The following HESX1 variants were observed in gnomAD, a reference collection of about 807,000 sequenced individuals.
The protein encoded by HESX1 is homeobox expressed in ES cells 1.
HESX1 carries 11 observed loss-of-function variants against 22.5 expected under a neutral mutation model. The ratio of observed to expected loss-of-function variants is 0.49; its 90% confidence interval spans 0.31 to 0.81. The LOEUF is 0.81. Among genes scored for constraint, HESX1 ranks in the 30% least tolerant of loss-of-function variants. The pLI is 0.05. For missense variants in HESX1, 201 were observed against 212.6 expected (o/e 0.95, Z 0.34); for synonymous variants, 74 against 76.5 (o/e 0.97, Z 0.17).
intron 1 of HESX1, among the ~76,000 whole-genome samples, chr3:57,213,915 C>T (rs924290852): frequency 6.6e-6 from 1 of 152,074 alleles, no homozygotes; most frequent in Non-Finnish European, 1.5e-5. Flanking sequence ...AGTAAGACTC[C>T]GTCTCAAATA....
In HESX1 at chr3:57,198,113, A is replaced by G; in HGVS notation, c.*84T>C. On this transcript the variant is annotated 3_prime_UTR_variant, in exon 4 of 4. Transcript: ENST00000295934. ...TATTCAGATTAAATGCAGGAAAGAA[A>G]ACATCACATTTTAACACTTAATATT... is the stretch of plus-strand genomic sequence containing the variant. 1.1e-6 allele frequency: 1 copy of G among 879,118 alleles called. No homozygotes were observed. Among genetic ancestry groups the G allele is most frequent in the Non-Finnish European group, 1.9e-6 (1 of 531,330 alleles). 54.5% of individuals were successfully genotyped at this position (879,118 alleles called of 1,614,324 possible).
chr3:57,207,053 T>A (rs2107573851), intron 1 of HESX1, among the ~76,000 whole-genome samples: 2 of 152,268 alleles, frequency 1.3e-5, no homozygotes, highest in Middle Eastern at 6.8e-3. Flanking sequence ...GTTCAAGCAA[T>A]TCTCTTGCCT....
At chr3:57,205,611 T>G (rs555310133) in intron 1 of HESX1, among the ~76,000 whole-genome samples, 2 of 152,310 alleles carry the variant, frequency 1.3e-5, no homozygotes, top group Admixed American at 1.3e-4. Flanking sequence ...TTACACTGGC[T>G]GTTGTCACCA....
intron 1 of HESX1, among the ~76,000 whole-genome samples, chr3:57,222,733 C>A (rs144280464): frequency 1.3e-5 from 2 of 152,162 alleles, no homozygotes; most frequent in African/African-American, 4.8e-5. Flanking sequence ...TGGCAATAAT[C>A]TTGGCTATTT....
At chr3:57,217,746 C>T (rs1167514202) in intron 1 of HESX1, among the ~76,000 whole-genome samples, 2 of 152,168 alleles carry the variant, frequency 1.3e-5, no homozygotes, top group African/African-American at 2.4e-5. Flanking sequence ...TCCCACCCCA[C>T]ACAAAAGCCC....
At chr3:57,200,315 C>A (rs1338956279), upstream of HESX1, among the ~76,000 whole-genome samples, 1 of 152,144 alleles carries the variant, frequency 6.6e-6, no homozygotes, top group Admixed American at 6.5e-5. Context: ...GAAGTTTATA[C>A]TTTCATGGGC....
At chr3:57,213,344 T>C (rs1484357798) in intron 1 of HESX1, among the ~76,000 whole-genome samples, 1 of 152,216 alleles carries the variant, frequency 6.6e-6, no homozygotes, top group African/African-American at 2.4e-5. Context: ...AAGAAATCTT[T>C]ACCAGTGAAC....
At chr3:57,225,527 A>G (rs529640991) in intron 1 of HESX1, among the ~76,000 whole-genome samples, 2 of 152,052 alleles carry the variant, frequency 1.3e-5, no homozygotes, top group Non-Finnish European at 2.9e-5. Context: ...TATTTTTGGT[A>G]GAGACGGGGT....
chr3:57,201,885 AT>A (rs2060490164), upstream of HESX1, among the ~76,000 whole-genome samples: 3 of 145,278 alleles, frequency 2.1e-5, no homozygotes, highest in African/African-American at 8.1e-5. Context: ...ATATCTATCT[AT>A]CTATCTATCT....
intron 1 of HESX1, among the ~76,000 whole-genome samples, chr3:57,225,710 C>G (rs1016484389): frequency 2.0e-5 from 3 of 152,094 alleles, no homozygotes; most frequent in Non-Finnish European, 1.5e-5. Context: ...GTAATGGCCT[C>G]TTGAGAGTCC....
chr3:57,222,948 AT>A (rs1579369159), intron 1 of HESX1, among the ~76,000 whole-genome samples: 1 of 152,224 alleles, frequency 6.6e-6, no homozygotes, highest in East Asian at 1.9e-4. Context: ...TTTTAAAAAA[AT>A]ATGATAGAGA....
chr3:57,212,635 A>C (rs994391023), intron 1 of HESX1, among the ~76,000 whole-genome samples: 2 of 151,938 alleles, frequency 1.3e-5, no homozygotes, highest in Admixed American at 6.6e-5. Context: ...AAAAAGATTC[A>C]TTCTATACAA....
At chr3:57,202,019 C>G (rs950695296), upstream of HESX1, among the ~76,000 whole-genome samples, 3 of 150,544 alleles carry the variant, frequency 2.0e-5, no homozygotes, top group Non-Finnish European at 4.4e-5. Flanking sequence ...CCCGGGTTCA[C>G]GCCATTCTCC....
chr3:57,203,951 G>C (rs1452089786), upstream of HESX1, among the ~76,000 whole-genome samples: 2 of 152,124 alleles, frequency 1.3e-5, no homozygotes, highest in Admixed American at 6.5e-5. Flanking sequence ...AATTACAGGT[G>C]CCCAGCCCCC....
At chr3:57,200,836 G>C (rs910378698), upstream of HESX1, among the ~76,000 whole-genome samples, 1 of 152,104 alleles carries the variant, frequency 6.6e-6, no homozygotes, top group African/African-American at 2.4e-5. Flanking sequence ...TTGAGGGATG[G>C]GCAGAGGATG....
At chr3:57,203,643 C>A (rs932955788), upstream of HESX1, among the ~76,000 whole-genome samples, 35 of 152,180 alleles carry the variant, frequency 2.3e-4, no homozygotes, top group African/African-American at 8.0e-4. Context: ...CAACCTCTAC[C>A]ACCCAGGTTC....
At chr3:57,226,548 C>A (rs2060646148), upstream of HESX1, 1 of 152,138 alleles carries the variant, frequency 6.6e-6, no homozygotes, top group Non-Finnish European at 1.5e-5. Flanking sequence ...CAATGCAAGT[C>A]TACTCAACAA....
In HESX1 at chr3:57,218,752, C is replaced by T. The variant is rs557919058; in HGVS notation, c.-111+7544G>A. On this transcript the variant is annotated intron_variant, in intron 1 of 2. Transcript: ENST00000495160. ...GCCACCATGCCCAGCCAATCTTACT[C>T]TTTTTTATGGCTGCATAGTATTCTG... Among the ~76,000 whole-genome samples, 5 of 152,250 alleles carry T rather than the reference C, an allele frequency of 3.3e-5. No individual in the cohort carries two copies. The South Asian group carries it at 6.2e-4, about 19-fold the overall frequency.
chr3:57,198,242 CTG>C lies in HESX1; in HGVS notation c.511_512del (p.Gln171ValfsTer22), dbSNP rs752434998. 2.2e-5 allele frequency: 35 copies of C among 1,612,998 alleles called. No individual in the cohort carries two copies. The highest frequency in any genetic ancestry group is 2.2e-5 in the South Asian group (2 of 90,992). ...TGAAATTTTTTTTCGCCATTAGAAA[CTG>C]TGATTCTCTATGGGACCTTTTCAGT... ...AKLKRSHRES[Q>X]FLMAKKNFNT... On this transcript the variant is annotated frameshift_variant, in exon 4 of 4. Coordinates refer to ENST00000295934, the MANE Select transcript of HESX1 (RefSeq NM_003865.3). LOFTEE classifies it high-confidence loss of function.
Sources: allele counts gnomAD v4.1 joint callset (sites outside exome capture counted in the v4.1 genomes callset), GRCh38; gene constraint gnomAD v4.1.1; transcripts MANE v1.5; gene names NCBI Gene and HGNC (gene_info 2026-07-23, HGNC 2026-07-21).